TG: variants seen among roughly 807,000 people sequenced by gnomAD.
TG encodes thyroid hormones.
A neutral mutation model predicts 324.7 loss-of-function variants in TG; 270 were observed. The ratio of observed to expected loss-of-function variants is 0.83; its 90% confidence interval spans 0.75 to 0.92. The LOEUF is 0.92. TG is among the 40% of genes least tolerant of loss of function. The pLI is 0.00. For synonymous variants in TG, 1,401 were observed against 1,327.0 expected (o/e 1.06, Z -1.21); for missense variants, 3,591 against 3,456.4 (o/e 1.04, Z -0.98).
intron 27 of TG, among the ~76,000 whole-genome samples, chr8:132,954,416 CAG>C (rs1826558059): frequency 6.6e-6 from 1 of 152,150 alleles, no homozygotes; most frequent in South Asian, 2.1e-4. Context: ...GGAATATGAA[CAG>C]AGTCTCAGGG....
intron 32 of TG, among the ~76,000 whole-genome samples, chr8:132,970,491 C>A (rs1187638727): frequency 1.3e-5 from 2 of 152,166 alleles, no homozygotes; most frequent in Non-Finnish European, 2.9e-5. Flanking sequence ...CCTGGTGATT[C>A]TTTTATACTT....
At chr8:133,045,592 GC>G (rs1460932801) in intron 41 of TG, among the ~76,000 whole-genome samples, 6 of 151,892 alleles carry the variant, frequency 4.0e-5, no homozygotes, top group African/African-American at 1.5e-4. Context: ...GTGCAGTGTT[GC>G]TACATTGCCC....
At chr8:133,069,510 T>C (rs961852169) in intron 41 of TG, among the ~76,000 whole-genome samples, 1 of 151,312 alleles carries the variant, frequency 6.6e-6, no homozygotes, top group South Asian at 2.1e-4. Context: ...TTAGCTCCTG[T>C]TCCCTCCTTA....
chr8:132,952,407 C>G (rs16904793), intron 27 of TG, among the ~76,000 whole-genome samples: 3 of 152,080 alleles, frequency 2.0e-5, no homozygotes, highest in African/African-American at 7.3e-5. Flanking sequence ...GTGCAATGGG[C>G]GCATTCGTTC....
chr8:132,978,763 C>T (rs768436193), intron 34 of TG, among the ~76,000 whole-genome samples: 1 of 152,176 alleles, frequency 6.6e-6, no homozygotes, highest in Admixed American at 6.5e-5. Context: ...TGTCCCTGCC[C>T]TTACAGATCT....
intron 42 of TG, among the ~76,000 whole-genome samples, 167 bp downstream of exon 42, chr8:133,095,375 C>G (rs988665844): frequency 1.3e-5 from 2 of 152,162 alleles, no homozygotes; most frequent in African/African-American, 4.8e-5. Flanking sequence ...TGTGCATGCG[C>G]CACAGCCTGC....
chr8:132,874,601 C>T (rs77578773), intron 5 of TG, among the ~76,000 whole-genome samples: 2,088 of 152,262 alleles, frequency 0.014, 45 homozygotes, highest in African/African-American at 0.049. Flanking sequence ...TGGGCTGTGC[C>T]AGGAGGAATC....
At chr8:132,982,207 G>A (rs1830951356) in intron 34 of TG, among the ~76,000 whole-genome samples, 3 of 152,142 alleles carry the variant, frequency 2.0e-5, no homozygotes, top group Admixed American at 2.0e-4. Flanking sequence ...GGACAGAGAG[G>A]TTGAGTAATT....
chr8:132,900,460 GCT>G, intron 15 of TG, 121 bp downstream of exon 15: 1 of 887,690 alleles, frequency 1.1e-6, no homozygotes, highest in Non-Finnish European at 1.8e-6. Flanking sequence ...GGGCACAGCT[GCT>G]GACCTCACTA....
In TG at chr8:133,005,301, C is replaced by T. The variant is rs149172967; in HGVS notation, c.6263-6600C>T. On this transcript the variant is annotated intron_variant, in intron 35 of 47. Coordinates refer to ENST00000220616, the MANE Select transcript of TG (RefSeq NM_003235.5). ...ACAGGGGGACAGGGGGACAGTGGGG[C>T]GAGGGGAGGAGGGGTCAGGTGGAAG... 1.9e-4 allele frequency among the ~76,000 whole-genome samples: 29 copies of T among 149,928 alleles called. No individual in the cohort carries two copies. The East Asian group carries it at 2.0e-3, about 10-fold the overall frequency.
intron 41 of TG, chr8:133,075,108 G>A: frequency 1.0e-6 from 1 of 985,440 alleles, no homozygotes; most frequent in Non-Finnish European, 1.2e-6. Flanking sequence ...TAACCACTCT[G>A]AGCAAGCTTC....
intron 22 of TG, among the ~76,000 whole-genome samples, chr8:132,925,768 T>G (rs1821782229): frequency 6.6e-6 from 1 of 152,174 alleles, no homozygotes; most frequent in African/African-American, 2.4e-5. Context: ...TCTTACGTGC[T>G]CTGAGCTCTC....
At chr8:132,980,922 G>A (rs1830758215) in intron 34 of TG, among the ~76,000 whole-genome samples, 3 of 136,274 alleles carry the variant, frequency 2.2e-5, no homozygotes, top group Admixed American at 1.4e-4. Context: ...AGATTGTTAG[G>A]GAATTAAATG....
At chr8:132,911,284 T>C in intron 18 of TG, 93 bp from the exon 19 acceptor site, 2 of 1,610,920 alleles carry the variant, frequency 1.2e-6, no homozygotes, top group Non-Finnish European at 1.7e-6. Context: ...TTGAAGGAAG[T>C]AACATAAGCC....
chr8:132,949,772 C>T (rs774638958), intron 27 of TG, among the ~76,000 whole-genome samples: 11 of 152,182 alleles, frequency 7.2e-5, no homozygotes, highest in Non-Finnish European at 1.5e-4. Flanking sequence ...TGCATCTCTG[C>T]GATCATCTGC....
intron 21 of TG, 100 bp downstream of exon 21, chr8:132,919,625 T>C: frequency 6.5e-7 from 1 of 1,536,290 alleles, no homozygotes; most frequent in Non-Finnish European, 8.9e-7. Flanking sequence ...TTGGGACAGA[T>C]AATTCTTTGT....
At chr8:132,959,673 A>T (rs1242638356) in intron 27 of TG, among the ~76,000 whole-genome samples, 1 of 152,196 alleles carries the variant, frequency 6.6e-6, no homozygotes, top group Non-Finnish European at 1.5e-5. Flanking sequence ...AGGAAGGAGT[A>T]TGGGATTTGA....
At chr8:133,060,072 A>C (rs761938183) in intron 41 of TG, 1 of 1,560,108 alleles carries the variant, frequency 6.4e-7, no homozygotes, top group Non-Finnish European at 8.6e-7. Context: ...CACAGACTCA[A>C]GCATCTCACC....
rs2294024 is a variant in TG, at chr8:133,131,869, C to T, written c.7920C>T (p.Tyr2640=). ...TGGGGCTTCCCTTCTACCCAGCCTA[C>T]GAGGGGCAGTTTTCTCTGGAGGAGA... ...FALGLPFYPA[Y]EGQFSLEEKS... is the part of the protein sequence containing the mutation. Residue 2640 remains tyrosine, a synonymous_variant, in exon 46 of 48, where the codon TAC becomes TAT. Coordinates refer to ENST00000220616, the MANE Select transcript of TG (RefSeq NM_003235.5). 751,944 of 1,613,812 alleles carry T rather than the reference C, an allele frequency of 0.47. 180,679 individuals carry two copies. The highest frequency in any genetic ancestry group is 0.59 in the African/African-American group (43,970 of 74,930).
Sources: allele counts gnomAD v4.1 joint callset (sites outside exome capture counted in the v4.1 genomes callset), GRCh38; gene constraint gnomAD v4.1.1; transcripts MANE v1.5; gene names NCBI Gene and HGNC (gene_info 2026-07-23, HGNC 2026-07-21).